The following LRRC1 variants were observed in gnomAD, a reference collection of about 807,000 sequenced individuals.
The protein encoded by LRRC1 is leucine-rich repeat-containing protein 1.
In LRRC1, 28 loss-of-function variants were observed where a neutral mutation model predicts 69.9. The ratio of observed to expected loss-of-function variants is 0.40; its 90% CI spans 0.30 to 0.55. LRRC1 has a LOEUF of 0.55. LRRC1 is among the 20% of genes least tolerant of loss of function. The pLI is 0.47. For missense variants in LRRC1, 498 were observed against 609.0 expected, an observed-to-expected ratio of 0.82 and a Z score of 1.92; for synonymous variants, 236 against 240.2, an observed-to-expected ratio of 0.98 and a Z score of 0.16.
Position 53,864,337 on chromosome 6 carries a change from A to G in LRRC1, c.278-14656A>G, listed in dbSNP as rs531040032. Reference sequence around the variant, plus strand: ...TGCTCATCCACCCCCATCTCTGTGTAAAATGAGTACCAAATGGTATCTTGG... The same window carrying G: ...TGCTCATCCACCCCCATCTCTGTGTGAAATGAGTACCAAATGGTATCTTGG... On this transcript the variant is annotated intron_variant, in intron 2 of 13. Coordinates refer to ENST00000370888, the MANE Select transcript of LRRC1 (RefSeq NM_018214.5). 1.6e-4 allele frequency among the ~76,000 whole-genome samples: 25 copies of G among 152,272 alleles called. No individual in the cohort carries two copies. In the South Asian group the frequency reaches 4.8e-3, roughly 29 times the overall value.
intron 10 of LRRC1, among the ~76,000 whole-genome samples, chr6:53,907,551 T>A (rs553833357): frequency 3.9e-5 from 6 of 152,286 alleles, no homozygotes; most frequent in African/African-American, 1.4e-4. Flanking sequence ...GTCTTTTGTT[T>A]TCTTAATTGT....
At chr6:53,827,328 A>T (rs1287475392) in intron 1 of LRRC1, among the ~76,000 whole-genome samples, 1 of 148,998 alleles carries the variant, frequency 6.7e-6, no homozygotes, top group African/African-American at 2.5e-5. Context: ...AAAAAAAAAC[A>T]GTTGAAGTAG....
chr6:53,902,855 G>A (rs904377448), intron 9 of LRRC1, 108 bp downstream of exon 9: 5 of 675,230 alleles, frequency 7.4e-6, no homozygotes, highest in African/African-American at 5.4e-5. Context: ...ATCCCAAAAC[G>A]GTCTTACAAA....
At position 53,922,887 on chromosome 6, in the gene LRRC1, C is replaced by T; in HGVS notation, c.*94C>T. 11 of 1,233,760 alleles carry T rather than the reference C, an allele frequency of 8.9e-6. No individual in the cohort carries two copies. The highest frequency in any genetic ancestry group is 1.3e-5 in the Non-Finnish European group (11 of 876,844). The allele number at this position is 1,233,760 out of a possible 1,614,324, so 76.4% of individuals were successfully genotyped here. ...GAGCCTCACGTGCTCCTTGTCCTAA[C>T]CAGCCCCCGCGCGCCATCTTCCCGT... On this transcript the variant is annotated 3_prime_UTR_variant, in exon 14 of 14. Transcript: ENST00000370888.
At chr6:53,873,029 T>C (rs2127427785) in intron 2 of LRRC1, among the ~76,000 whole-genome samples, 1 of 152,210 alleles carries the variant, frequency 6.6e-6, no homozygotes, top group African/African-American at 2.4e-5. Flanking sequence ...AGTGCTGGGA[T>C]TGCAAGTGTA....
chr6:53,906,904 C>T (rs2127439245), intron 10 of LRRC1, among the ~76,000 whole-genome samples: 1 of 152,340 alleles, frequency 6.6e-6, no homozygotes, highest in African/African-American at 2.4e-5. Flanking sequence ...TACATACACT[C>T]AGCTCCCAGC....
intron 13 of LRRC1, among the ~76,000 whole-genome samples, chr6:53,921,644 A>G (rs1297413168): frequency 6.6e-6 from 1 of 152,234 alleles, no homozygotes; most frequent in Admixed American, 6.5e-5. Context: ...ACATCTTTCT[A>G]GCAGTTGACT....
intron 1 of LRRC1, among the ~76,000 whole-genome samples, chr6:53,805,198 G>T (rs1764603523): frequency 6.6e-6 from 1 of 152,160 alleles, no homozygotes; most frequent in Non-Finnish European, 1.5e-5. Flanking sequence ...GAGTTGCTAT[G>T]CTATGGGCCC....
At chr6:53,863,977 GACA>G (rs1390256760) in intron 2 of LRRC1, among the ~76,000 whole-genome samples, 7 of 151,164 alleles carry the variant, frequency 4.6e-5, no homozygotes, top group Admixed American at 1.3e-4. Context: ...ACTAGAATTT[GACA>G]ACAACTGTGC....
intron 1 of LRRC1, among the ~76,000 whole-genome samples, chr6:53,822,200 G>A (rs1342479895): frequency 1.3e-5 from 2 of 152,134 alleles, no homozygotes; most frequent in Non-Finnish European, 2.9e-5. Context: ...GAGGAAAAAT[G>A]CAGAGGAGTT....
At chr6:53,820,241 G>T (rs1275778080) in intron 1 of LRRC1, among the ~76,000 whole-genome samples, 1 of 151,768 alleles carries the variant, frequency 6.6e-6, no homozygotes, top group Non-Finnish European at 1.5e-5. Context: ...ATAAAAGCTG[G>T]AGACTGAATT....
intron 2 of LRRC1, among the ~76,000 whole-genome samples, chr6:53,850,062 CT>C (rs11408594): frequency 8.7e-4 from 126 of 145,186 alleles, no homozygotes; most frequent in Middle Eastern, 7.1e-3. Context: ...AATAAGATTT[CT>C]TTTTTTTTTT....
chr6:53,815,907 C>T (rs1244987043), intron 1 of LRRC1, among the ~76,000 whole-genome samples: 2 of 152,176 alleles, frequency 1.3e-5, no homozygotes, highest in African/African-American at 2.4e-5. Flanking sequence ...GCCCATACTG[C>T]TGTCAAAACA....
At chr6:53,864,246 G>T (rs1177505408) in intron 2 of LRRC1, among the ~76,000 whole-genome samples, 1 of 152,084 alleles carries the variant, frequency 6.6e-6, no homozygotes, top group Non-Finnish European at 1.5e-5. Flanking sequence ...AGAAGCCTGT[G>T]TCTTGTTCCC....
At chr6:53,812,902 G>A (rs1187341949) in intron 1 of LRRC1, among the ~76,000 whole-genome samples, 3 of 151,810 alleles carry the variant, frequency 2.0e-5, no homozygotes. Context: ...GCTGAGGTTG[G>A]CATGAAGTTT....
chr6:53,859,790 T>TA (rs1000257991), intron 2 of LRRC1, among the ~76,000 whole-genome samples: 158 of 151,732 alleles, frequency 1.0e-3, no homozygotes, highest in African/African-American at 3.1e-3. Context: ...GCTTTATAAT[T>TA]AAAAAAAAAT....
chr6:53,874,158 G>T (rs1329814443), intron 2 of LRRC1, among the ~76,000 whole-genome samples: 2 of 152,194 alleles, frequency 1.3e-5, no homozygotes, highest in Non-Finnish European at 2.9e-5. Flanking sequence ...AAATAGACCT[G>T]TAGTGGTGGG....
intron 1 of LRRC1, among the ~76,000 whole-genome samples, chr6:53,810,707 A>G (rs988811590): frequency 1.3e-5 from 2 of 152,256 alleles, no homozygotes; most frequent in African/African-American, 4.8e-5. Context: ...ACAAAAACAT[A>G]CATAAATAGG....
At chr6:53,816,295 A>G (rs1764948921) in intron 1 of LRRC1, among the ~76,000 whole-genome samples, 1 of 152,116 alleles carries the variant, frequency 6.6e-6, no homozygotes, top group African/African-American at 2.4e-5. Flanking sequence ...TGGTAATTAT[A>G]TTCAGGATAA....
Sources: allele counts gnomAD v4.1 joint callset (sites outside exome capture counted in the v4.1 genomes callset), GRCh38; gene constraint gnomAD v4.1.1; transcripts MANE v1.5; gene names NCBI Gene and HGNC (gene_info 2026-07-23, HGNC 2026-07-21).